Variants in ETV5 observed in about 807,000 individuals in gnomAD.
The protein encoded by ETV5 is ETS variant transcription factor 5.
Under a neutral mutation model 70.0 loss-of-function variants are expected in ETV5, and 10 were observed. The ratio of observed to expected loss-of-function variants is 0.14; its 90% CI spans 0.09 to 0.24. The LOEUF is 0.24. ETV5 is among the 10% of genes least tolerant of loss of function. The pLI is 1.00. For missense variants in ETV5, 453 were observed against 651.2 expected (o/e 0.70, Z 3.31); for synonymous variants, 216 against 242.2 (o/e 0.89, Z 1.01).
Position 186,105,531 on chromosome 3 carries a change from ATTTC to A in ETV5, c.134-39_134-36del. On this transcript the variant is annotated intron_variant, in intron 3 of 12. Transcript: ENST00000306376. The surrounding 1 kb of genome is among the most constrained non-coding windows in gnomAD (Gnocchi z 4.5). ...AAAAAGAAGACCCCAGAATGAGGAT[ATTTC>A]TTTCGCTAGGGAGAAGACAGGGAAG... is the stretch of plus-strand genomic sequence containing the variant. 6.2e-7 allele frequency: 1 copy of A among 1,613,586 alleles called. No individual in the cohort carries two copies. The highest frequency in any genetic ancestry group is 1.3e-5 in the African/African-American group (1 of 75,016).
rs1713205204 is a variant in ETV5, at chr3:186,057,867, T to A, written c.971-376A>T. Reference sequence around the variant, plus strand: ...GGCCTAGCTGGATGGATTTGGTTGATCTGTACACAGACCTGCCATTTTCCT... The same window carrying A: ...GGCCTAGCTGGATGGATTTGGTTGAACTGTACACAGACCTGCCATTTTCCT... On this transcript the variant is annotated intron_variant, in intron 9 of 12. Transcript: ENST00000306376. The surrounding 1 kb of genome is among the most constrained non-coding windows in gnomAD (Gnocchi z 4.9). Among the ~76,000 whole-genome samples the A allele has an allele frequency of 6.6e-6, 1 of 152,182 alleles. No individual in the cohort carries two copies. The highest frequency in any genetic ancestry group is 6.5e-5 in the Admixed American group (1 of 15,278).
chr3:186,054,729 C>T lies in ETV5; in HGVS notation c.1209+2346G>A, dbSNP rs947731754. On this transcript the variant is annotated intron_variant, in intron 11 of 12. Transcript: ENST00000306376. The surrounding 1 kb of genome is among the most constrained non-coding windows in gnomAD (Gnocchi z 4.4). ...CTTCACCCTTCAAGCTCCCCCATGA[C>T]GACTTCTTACAGCTTTTTCCAGAAG... Among the ~76,000 whole-genome samples, 6 of 152,112 alleles carry T rather than the reference C, an allele frequency of 3.9e-5. No individual in the cohort carries two copies. The highest frequency in any genetic ancestry group is 1.9e-4 in the East Asian group (1 of 5,182).
At chr3:186,058,066 G>C (rs185964999) in intron 9 of ETV5, among the ~76,000 whole-genome samples, 2 of 152,306 alleles carry the variant, frequency 1.3e-5, no homozygotes, top group African/African-American at 4.8e-5. Flanking sequence ...ACAGTGGAGA[G>C]GATCTGAAAA....
chr3:186,061,399 G>A (rs1347977535), intron 9 of ETV5, among the ~76,000 whole-genome samples: 2 of 152,146 alleles, frequency 1.3e-5, no homozygotes, highest in Non-Finnish European at 1.5e-5. Flanking sequence ...AAACTTGAAG[G>A]TGCATCAGAA....
At chr3:186,079,776 T>C in intron 7 of ETV5, 41 bp downstream of exon 7, 2 of 1,565,560 alleles carry the variant, frequency 1.3e-6, no homozygotes, top group Non-Finnish European at 1.7e-6. Context: ...AGGATAGGAG[T>C]GAGGGAGACA....
intron 7 of ETV5, among the ~76,000 whole-genome samples, chr3:186,067,417 C>A (rs938927395): frequency 2.0e-5 from 3 of 151,954 alleles, no homozygotes; most frequent in Admixed American, 6.6e-5. Flanking sequence ...TGTGACAGAG[C>A]GAGACTCCGT....
At chr3:186,106,845 G>T (rs575414777) in intron 1 of ETV5, 32 of 629,434 alleles carry the variant, frequency 5.1e-5, no homozygotes, top group Non-Finnish European at 5.9e-5. Flanking sequence ...GTGGAATAAA[G>T]TAACAATTTC....
intron 1 of ETV5, chr3:186,108,407 A>AG: frequency 2.4e-6 from 2 of 819,952 alleles, no homozygotes; most frequent in Non-Finnish European, 3.6e-6. Context: ...GAAACTTGCA[A>AG]GGCCTGCGTA....
At chr3:186,049,479 A>T (rs1420494092) in intron 12 of ETV5, among the ~76,000 whole-genome samples, 1 of 152,174 alleles carries the variant, frequency 6.6e-6, no homozygotes, top group Non-Finnish European at 1.5e-5. Context: ...CAAGGACCTC[A>T]TGGTATGTGG....
chr3:186,052,030 C>G lies in ETV5; in HGVS notation c.1311G>C (p.Lys437Asn), dbSNP rs775581923. The G allele has an allele frequency of 6.2e-7, 1 of 1,613,516 alleles. No homozygotes were observed. The change falls in exon 12 of 13, where the codon AAG (lysine) becomes AAC (asparagine). Residue 437 changes from lysine to asparagine, a missense_variant and splice_region_variant. Transcript: ENST00000306376. This position sits in a 1 kb window ranked among gnomAD's most constrained non-coding sequence, Gnocchi z 4.5. ...CTAAGGGTCTTGTATAATGGCTCAC[C>G]TTCTGCATGATGCCCTTTTCATAGT... ...RYYYEKGIMQ[K>N]VAGERYVYKF...
rs755202046 is a variant in ETV5 at position 186,046,473 on chromosome 3, GCAAA to G, written c.*2162_*2165del. 8.2e-5 allele frequency: 19 copies of G among 231,348 alleles called. No individual in the cohort carries two copies. The highest frequency in any genetic ancestry group is 1.5e-4 in the Non-Finnish European group (18 of 116,804). 14.3% of individuals were successfully genotyped at this position (231,348 alleles called of 1,614,324 possible). ...AGACTTTCCACACTCTGGAAAAGAA[GCAAA>G]CAAACAAACCCCAAAGAACCCCCGA... On this transcript the variant is annotated 3_prime_UTR_variant, in exon 13 of 13. Transcript: ENST00000306376.
intron 5 of ETV5, chr3:186,084,284 A>C: frequency 7.3e-6 from 1 of 137,774 alleles, no homozygotes; most frequent in Admixed American, 1.1e-4. Context: ...AGAAATGCTA[A>C]AAAAAAAAAA....
At chr3:186,074,330 T>G (rs542138865) in intron 7 of ETV5, among the ~76,000 whole-genome samples, 10 of 152,216 alleles carry the variant, frequency 6.6e-5, no homozygotes, top group African/African-American at 2.2e-4. Context: ...AGCCAGTAAT[T>G]AAAAATCTTC....
At position 186,104,076 on chromosome 3, in the gene ETV5, T is replaced by G. The variant is rs184510783; in HGVS notation, c.232+1229A>C. On this transcript the variant is annotated intron_variant, in intron 5 of 12. Coordinates refer to ENST00000306376, the MANE Select transcript of ETV5 (RefSeq NM_004454.3). ...AAATTGAGTCCTTGCATGGCTCAGG[T>G]GCTTGCTATTATAAACTATGACTAA... Among the ~76,000 whole-genome samples, 15 of 152,340 alleles carry G rather than the reference T, an allele frequency of 9.8e-5. No homozygotes were observed. In the East Asian group the frequency reaches 2.9e-3, roughly 29 times the overall value.
chr3:186,078,290 T>C, intron 7 of ETV5: 1 of 756,176 alleles, frequency 1.3e-6, no homozygotes, highest in Non-Finnish European at 1.7e-6. Flanking sequence ...GTATAACAAA[T>C]AGAAGTTTGC....
Position 186,047,796 on chromosome 3 carries a change from T to TC in ETV5, c.*842_*843insG, listed in dbSNP as rs397688429. Reference sequence around the variant, plus strand: ...TTACCAAAAGGTTTGTTTTTGTTTTTTGTTTTTCGTTTTTTTGCTTTAAAT... The same window carrying TC: ...TTACCAAAAGGTTTGTTTTTGTTTTTCTGTTTTTCGTTTTTTTGCTTTAAAT... On this transcript the variant is annotated 3_prime_UTR_variant, in exon 13 of 13. Coordinates refer to ENST00000306376, the MANE Select transcript of ETV5 (RefSeq NM_004454.3). 1 of 233,236 alleles carries TC rather than the reference T, an allele frequency of 4.3e-6. No homozygotes were observed. The highest frequency in any genetic ancestry group is 8.5e-6 in the Non-Finnish European group (1 of 117,930). 14.4% of individuals were successfully genotyped at this position (233,236 alleles called of 1,614,324 possible).
intron 9 of ETV5, among the ~76,000 whole-genome samples, chr3:186,063,753 T>C (rs1306785550): frequency 6.6e-6 from 1 of 152,026 alleles, no homozygotes; most frequent in Non-Finnish European, 1.5e-5. Flanking sequence ...TCCACTCCCA[T>C]CCCCAGTACT....
intron 7 of ETV5, among the ~76,000 whole-genome samples, chr3:186,072,906 A>T (rs1713678774): frequency 6.6e-6 from 1 of 152,208 alleles, no homozygotes; most frequent in Admixed American, 6.5e-5. Flanking sequence ...AGGCCAAGGC[A>T]GGCAGATAAC....
chr3:186,101,480 ACT>A (rs886978257), intron 5 of ETV5, among the ~76,000 whole-genome samples: 8 of 152,120 alleles, frequency 5.3e-5, no homozygotes, highest in Non-Finnish European at 7.4e-5. Context: ...TTTTATAATT[ACT>A]CTCTGTCTTC....
Sources: allele counts gnomAD v4.1 joint callset (sites outside exome capture counted in the v4.1 genomes callset), GRCh38; gene constraint gnomAD v4.1.1; non-coding constraint Gnocchi (gnomAD v3.1); transcripts MANE v1.5; gene names NCBI Gene and HGNC (gene_info 2026-07-23, HGNC 2026-07-21).